Variants in EEA1 observed in about 807,000 individuals in gnomAD.
EEA1 encodes the protein early endosome antigen 1, 162kD.
In EEA1, 111 loss-of-function variants were observed where a neutral mutation model predicts 209.2. The ratio of observed to expected loss-of-function variants is 0.53; its 90% CI spans 0.45 to 0.62. EEA1 has a LOEUF of 0.62. Among genes scored for constraint, EEA1 ranks in the 20% least tolerant of loss-of-function variants. The pLI is 0.00. For missense variants in EEA1, 1,343 were observed against 1,530.8 expected (o/e 0.88, Z 2.05); for synonymous variants, 536 against 540.6 (o/e 0.99, Z 0.12).
chr12:92,928,330 G>A (rs1481921527), intron 1 of EEA1, among the ~76,000 whole-genome samples: 1 of 152,196 alleles, frequency 6.6e-6, no homozygotes, highest in Non-Finnish European at 1.5e-5. Flanking sequence ...AGCACAGGCA[G>A]AAACTAAGTG....
chr12:92,874,629 G>A (rs1281563855), intron 2 of EEA1, among the ~76,000 whole-genome samples: 1 of 152,184 alleles, frequency 6.6e-6, no homozygotes, highest in Admixed American at 6.5e-5. Context: ...GCCTCCCAAA[G>A]TGCTGGGATT....
intron 12 of EEA1, among the ~76,000 whole-genome samples, chr12:92,827,465 A>T (rs990743731): frequency 6.6e-6 from 1 of 152,258 alleles, no homozygotes; most frequent in Non-Finnish European, 1.5e-5. Context: ...GGCATCATTT[A>T]TGGCAACTGC....
intron 13 of EEA1, among the ~76,000 whole-genome samples, chr12:92,819,829 T>G (rs1241116309): frequency 3.3e-5 from 5 of 152,128 alleles, no homozygotes; most frequent in South Asian, 4.1e-4. Flanking sequence ...AATCTCATAC[T>G]AGGCACACTC....
At chr12:92,831,569 A>C (rs937429809) in intron 11 of EEA1, among the ~76,000 whole-genome samples, 3 of 146,338 alleles carry the variant, frequency 2.1e-5, no homozygotes, top group African/African-American at 7.6e-5. Flanking sequence ...TATTGTGTGT[A>C]TATATACTAT....
chr12:92,879,955 A>G (rs781472341), intron 2 of EEA1, among the ~76,000 whole-genome samples: 2 of 152,196 alleles, frequency 1.3e-5, no homozygotes, highest in Non-Finnish European at 2.9e-5. Flanking sequence ...ACTTATCCAA[A>G]CAATCCAATC....
chr12:92,780,275 C>CA lies in EEA1; in HGVS notation c.3468+4dup. 6.3e-7 allele frequency: 1 copy of CA among 1,590,816 alleles called. No homozygotes were observed. Among genetic ancestry groups the CA allele is most frequent in the Non-Finnish European group, 8.5e-7 (1 of 1,173,322 alleles). ...AAGGCAGGAGAAATGATTATCTTAA[C>CA]ATACCTTTATGCTTTCTAGTTTGTG... is the stretch of plus-strand genomic sequence containing the variant. On this transcript the variant is annotated splice_donor_region_variant and intron_variant, in intron 24 of 28. Transcript: ENST00000322349.
intron 6 of EEA1, among the ~76,000 whole-genome samples, 162 bp downstream of exon 6, chr12:92,853,753 G>A (rs1020124441): frequency 6.6e-6 from 1 of 152,050 alleles, no homozygotes; most frequent in African/African-American, 2.4e-5. Context: ...AAGTTCACAT[G>A]TAACTCTCTA....
Position 92,773,443 on chromosome 12 carries a change from T to C in EEA1, c.*2568A>G, listed in dbSNP as rs1230254752. 1 of 152,206 alleles carries C rather than the reference T, an allele frequency of 6.6e-6. No individual in the cohort carries two copies. Among genetic ancestry groups the C allele is most frequent in the Non-Finnish European group, 1.5e-5 (1 of 67,700 alleles). The allele number at this position is 152,206 out of a possible 1,614,324, so 9.4% of individuals were successfully genotyped here. On this transcript the variant is annotated 3_prime_UTR_variant, in exon 29 of 29. Coordinates refer to ENST00000322349, the MANE Select transcript of EEA1 (RefSeq NM_003566.4). The stretch of plus-strand genomic sequence containing the variant: ...TTTATACACTGCATTGAGGTTTTTG[T>C]GTTTGTTTCCCTCATTTTTTCTTCA...
intron 18 of EEA1, among the ~76,000 whole-genome samples, chr12:92,804,527 A>G (rs1055183878): frequency 3.7e-4 from 55 of 146,804 alleles, no homozygotes; most frequent in Non-Finnish European, 6.4e-4. Flanking sequence ...AGCCGAGATC[A>G]CGCCACTGCA....
chr12:92,921,308 A>G (rs1880982102), intron 1 of EEA1, among the ~76,000 whole-genome samples: 1 of 134,102 alleles, frequency 7.5e-6, no homozygotes, highest in Non-Finnish European at 1.6e-5. Flanking sequence ...ACGTATGTTT[A>G]TTGCGGCACT....
At chr12:92,780,837 T>C (rs555401671) in intron 23 of EEA1, among the ~76,000 whole-genome samples, 1 of 152,182 alleles carries the variant, frequency 6.6e-6, no homozygotes, top group Admixed American at 6.5e-5. Flanking sequence ...AAATAATCTA[T>C]CAGAGATAGA....
intron 1 of EEA1, among the ~76,000 whole-genome samples, chr12:92,900,771 T>A (rs538501899): frequency 2.6e-4 from 39 of 151,830 alleles, no homozygotes; most frequent in Non-Finnish European, 4.7e-4. Flanking sequence ...CAGGTTCAAG[T>A]GATTATCCTG....
intron 13 of EEA1, 35 bp from the exon 14 acceptor site, chr12:92,819,546 G>C (rs775762314): frequency 7.0e-7 from 1 of 1,437,628 alleles, no homozygotes. Context: ...TTTAAGAATA[G>C]AGAACTTAAA....
In EEA1 at chr12:92,826,326, T is replaced by TA. The variant is rs748218854; in HGVS notation, c.1405-42dup. On this transcript the variant is annotated intron_variant, in intron 12 of 28. Transcript: ENST00000322349. ...ATTGTCAATTGAGAACTTAAAGGCA[T>TA]AATGCTATCATTCATAAGTATCTGG... is the stretch of plus-strand genomic sequence containing the variant. 4.8e-5 allele frequency: 75 copies of TA among 1,569,180 alleles called. No homozygotes were observed. In the African/African-American group the frequency reaches 9.2e-4, roughly 19 times the overall value.
At chr12:92,923,020 TG>T (rs1026429779) in intron 1 of EEA1, among the ~76,000 whole-genome samples, 2 of 150,812 alleles carry the variant, frequency 1.3e-5, no homozygotes, top group Non-Finnish European at 2.9e-5. Context: ...GAAATATTTT[TG>T]GAGGGTTTTT....
chr12:92,880,739 T>C (rs1879102167), intron 2 of EEA1, among the ~76,000 whole-genome samples: 1 of 152,162 alleles, frequency 6.6e-6, no homozygotes, highest in Non-Finnish European at 1.5e-5. Context: ...CCTCCCAAAG[T>C]GCTGGGATTA....
intron 10 of EEA1, among the ~76,000 whole-genome samples, chr12:92,840,240 C>T (rs887042448): frequency 1.3e-5 from 2 of 152,090 alleles, no homozygotes; most frequent in Non-Finnish European, 2.9e-5. Flanking sequence ...ACTGCCCCAC[C>T]ACCAAAAAAG....
intron 21 of EEA1, among the ~76,000 whole-genome samples, chr12:92,796,704 A>G (rs1874666802): frequency 6.6e-6 from 1 of 152,204 alleles, no homozygotes; most frequent in Admixed American, 6.5e-5. Flanking sequence ...TGGGCCAGTG[A>G]CAATGATAAC....
rs1876397310 is a variant in EEA1 at position 92,827,958 on chromosome 12, T to C, written c.1358A>G (p.Gln453Arg). Residue 453 changes from glutamine (Q) to arginine (R), a missense_variant, in exon 12 of 29, where the codon CAA becomes CGA. Coordinates refer to ENST00000322349, the MANE Select transcript of EEA1 (RefSeq NM_003566.4). Reference protein sequence around the residue: ...LSSEKLMDKEQQVADLQLKLS... With the variant: ...LSSEKLMDKERQVADLQLKLS... ...TTTGAGTTGTAAATCAGCCACTTGT[T>C]GTTCTTTATCCATCAACTTTTCACT... 2.5e-6 allele frequency: 4 copies of C among 1,597,038 alleles called. No homozygotes were observed. Among genetic ancestry groups the C allele is most frequent in the Non-Finnish European group, 3.4e-6 (4 of 1,173,546 alleles).
Sources: gnomAD v4.1 joint callset for allele counts (sites outside exome capture counted in the v4.1 genomes callset) on GRCh38, gnomAD v4.1.1 for gene constraint, MANE v1.5 for transcripts, NCBI Gene and HGNC (gene_info 2026-07-23, HGNC 2026-07-21) for gene names.